POFUT3: variants seen among roughly 807,000 people sequenced by gnomAD.
The protein encoded by POFUT3 is GDP-fucose protein O-fucosyltransferase 3.
the POFUT3 span, among the ~76,000 whole-genome samples, chr8:33,366,575 C>T: frequency 1.3e-5 from 2 of 152,178 alleles, no homozygotes; most frequent in South Asian, 4.1e-4. Context: ...TCAGTGTCAA[C>T]AGTAACATTT....
the POFUT3 span, among the ~76,000 whole-genome samples, chr8:33,373,642 T>A: frequency 2.6e-5 from 4 of 151,476 alleles, no homozygotes; most frequent in Non-Finnish European, 5.9e-5. Context: ...GATTTGACCT[T>A]CCAATAATTT....
the POFUT3 span, among the ~76,000 whole-genome samples, chr8:33,364,366 C>T: frequency 6.6e-6 from 1 of 152,152 alleles, no homozygotes; most frequent in Non-Finnish European, 1.5e-5. Context: ...GGGCACAAGA[C>T]AAGGATGCCC....
chr8:33,380,251 A>ATATATATATATAC, the POFUT3 span, among the ~76,000 whole-genome samples: 1 of 107,788 alleles, frequency 9.3e-6, no homozygotes, highest in Non-Finnish European at 1.7e-5. Flanking sequence ...TATATACTAT[A>ATATATATATATAC]TATATATAGT....
the POFUT3 span, among the ~76,000 whole-genome samples, chr8:33,310,094 G>A: frequency 1.3e-5 from 2 of 152,146 alleles, no homozygotes; most frequent in Admixed American, 6.6e-5. Flanking sequence ...CTACTTTCAT[G>A]TGGATCTGTT....
the POFUT3 span, among the ~76,000 whole-genome samples, chr8:33,351,703 T>C: frequency 2.6e-5 from 4 of 152,064 alleles, no homozygotes; most frequent in Non-Finnish European, 2.9e-5. Flanking sequence ...TATTTCTTTG[T>C]AGCAACACAA....
the POFUT3 span, among the ~76,000 whole-genome samples, chr8:33,446,751 T>C: frequency 6.6e-6 from 1 of 152,296 alleles, no homozygotes; most frequent in South Asian, 2.1e-4. Context: ...AAGTTGGTTT[T>C]TTATTATAAG....
the POFUT3 span, among the ~76,000 whole-genome samples, chr8:33,420,422 G>T: frequency 6.6e-6 from 1 of 152,258 alleles, no homozygotes; most frequent in Non-Finnish European, 1.5e-5. Flanking sequence ...GACAGTGTGG[G>T]AATAATTAAA....
the POFUT3 span, among the ~76,000 whole-genome samples, chr8:33,385,249 G>A: frequency 6.6e-6 from 1 of 152,270 alleles, no homozygotes; most frequent in South Asian, 2.1e-4. Context: ...GGTGGTGGGG[G>A]AAGGGGCATT....
the POFUT3 span, among the ~76,000 whole-genome samples, chr8:33,385,787 G>C: frequency 6.6e-6 from 1 of 152,162 alleles, no homozygotes; most frequent in African/African-American, 2.4e-5. Context: ...AGGAGGCTGA[G>C]GCAGGAGAAT....
the POFUT3 span, among the ~76,000 whole-genome samples, chr8:33,458,901 T>C: frequency 6.6e-6 from 1 of 152,156 alleles, no homozygotes; most frequent in African/African-American, 2.4e-5. Context: ...CAGCACCATA[T>C]TGTCTGCCAA....
chr8:33,327,923 G>T, the POFUT3 span, among the ~76,000 whole-genome samples: 1 of 152,152 alleles, frequency 6.6e-6, no homozygotes, highest in Non-Finnish European at 1.5e-5. Flanking sequence ...CAGAGGCTTT[G>T]TCATGTCTCA....
the POFUT3 span, among the ~76,000 whole-genome samples, chr8:33,333,123 A>G: frequency 6.6e-6 from 1 of 152,248 alleles, no homozygotes; most frequent in African/African-American, 2.4e-5. Context: ...CACCAAGGCA[A>G]ATCGCCAAAC....
the POFUT3 span, among the ~76,000 whole-genome samples, chr8:33,386,592 C>T: frequency 6.6e-6 from 1 of 152,130 alleles, no homozygotes; most frequent in Non-Finnish European, 1.5e-5. Flanking sequence ...GGGAGGATCA[C>T]GAGGTTGGGA....
At chr8:33,433,960 A>G in the POFUT3 span, among the ~76,000 whole-genome samples, 1 of 120,072 alleles carries the variant, frequency 8.3e-6, no homozygotes. Context: ...AGAGCAAGAC[A>G]CTGTCATAAA....
the POFUT3 span, among the ~76,000 whole-genome samples, chr8:33,465,014 C>T: frequency 6.6e-6 from 1 of 152,222 alleles, no homozygotes; most frequent in East Asian, 1.9e-4. Context: ...ACTTTGGGTC[C>T]CAATCCTGGT....
At chr8:33,379,698 T>C in the POFUT3 span, among the ~76,000 whole-genome samples, 4 of 151,070 alleles carry the variant, frequency 2.6e-5, no homozygotes, top group South Asian at 6.2e-4. Flanking sequence ...TTGCCAGGTG[T>C]GGTGGCATGA....
At chr8:33,457,657 A>G in the POFUT3 span, among the ~76,000 whole-genome samples, 1 of 152,172 alleles carries the variant, frequency 6.6e-6, no homozygotes, top group African/African-American at 2.4e-5. Flanking sequence ...CCTAGCTCCA[A>G]AGTGAGAGAA....
At chr8:33,405,061 C>T in the POFUT3 span, among the ~76,000 whole-genome samples, 1 of 152,058 alleles carries the variant, frequency 6.6e-6, no homozygotes, top group African/African-American at 2.4e-5. Flanking sequence ...GATCTCGTGG[C>T]TTTTTGTATG....
chr8:33,457,423 G>A, the POFUT3 span, among the ~76,000 whole-genome samples: 3 of 152,270 alleles, frequency 2.0e-5, no homozygotes, highest in South Asian at 6.2e-4. Flanking sequence ...TTGAACCCAG[G>A]AGATGGAGGT....
Sources: gnomAD v4.1 joint callset for allele counts (sites outside exome capture counted in the v4.1 genomes callset) on GRCh38, gnomAD v4.1.1 for gene constraint, MANE v1.5 for transcripts, NCBI Gene and HGNC (gene_info 2026-07-23, HGNC 2026-07-21) for gene names.